NRXN1: variants seen among roughly 807,000 people sequenced by gnomAD.
NRXN1 encodes the protein neurexin-1.
In NRXN1, 39 loss-of-function variants were observed where a neutral mutation model predicts 150.9. The ratio of observed to expected loss-of-function variants is 0.26; its 90% CI spans 0.20 to 0.34. The LOEUF is 0.34. Among genes scored for constraint, NRXN1 ranks in the 10% least tolerant of loss-of-function variants. NRXN1 has a pLI of 1.00. For synonymous variants in NRXN1, 924 were observed against 757.0 expected, an observed-to-expected ratio of 1.22 and a Z score of -3.62; for missense variants, 1,815 against 1,949.9, an observed-to-expected ratio of 0.93 and a Z score of 1.30.
chr2:49,928,891 C>T (rs1669624389), intron 22 of NRXN1, among the ~76,000 whole-genome samples: 1 of 152,184 alleles, frequency 6.6e-6, no homozygotes, highest in African/African-American at 2.4e-5. Flanking sequence ...TTCTGAAGTA[C>T]ACTTACGGAG....
chr2:50,446,739 C>A (rs544169433), intron 17 of NRXN1, among the ~76,000 whole-genome samples: 1 of 151,856 alleles, frequency 6.6e-6, no homozygotes, highest in African/African-American at 2.4e-5. Flanking sequence ...GGGGAGACAC[C>A]TAACTGTGAA....
chr2:50,094,030 G>A (rs1295975295), intron 18 of NRXN1, among the ~76,000 whole-genome samples: 1 of 152,154 alleles, frequency 6.6e-6, no homozygotes, highest in East Asian at 1.9e-4. Context: ...TCACTAAGGG[G>A]CCTTGTATTG....
At chr2:50,253,100 G>A (rs2067319901) in intron 17 of NRXN1, among the ~76,000 whole-genome samples, 1 of 152,066 alleles carries the variant, frequency 6.6e-6, no homozygotes, top group Admixed American at 6.6e-5. Flanking sequence ...GCAATGGTTT[G>A]TAGTTCCCCT....
intron 21 of NRXN1, among the ~76,000 whole-genome samples, chr2:50,040,237 G>A (rs1028045359): frequency 8.6e-5 from 13 of 151,794 alleles, no homozygotes; most frequent in African/African-American, 2.9e-4. Context: ...TTACTAATGT[G>A]GATACTTAAG....
intron 5 of NRXN1, among the ~76,000 whole-genome samples, chr2:50,879,629 G>T (rs910169282): frequency 1.3e-5 from 2 of 151,828 alleles, no homozygotes; most frequent in African/African-American, 4.8e-5. Context: ...TGGGGTGGTG[G>T]GGGCAGCAGG....
rs148245049 is a variant in NRXN1, at chr2:50,002,700, C to T, written c.4128+50571G>A. Among the ~76,000 whole-genome samples, 4 of 152,174 alleles carry T rather than the reference C, an allele frequency of 2.6e-5. No homozygotes were observed. In the East Asian group the frequency reaches 7.7e-4, roughly 29 times the overall value. On this transcript the variant is annotated intron_variant, in intron 21 of 22. Coordinates refer to ENST00000401669, the MANE Select transcript of NRXN1 (RefSeq NM_001330078.2). ...ATCCTTCCCTCATTTTTCTGCCCTG[C>T]TCTGTCCGCCATTCCCGAGAAATAG...
In NRXN1 at chr2:50,789,545, T is replaced by G. The variant is rs146350847; in HGVS notation, c.832+132324A>C. ...GAAATAAAACTGAAAATAACAGCAGTGTCTTTCTGAGACAGTGGGGCAGCA... is the reference window on the plus strand; with the variant it reads ...GAAATAAAACTGAAAATAACAGCAGGGTCTTTCTGAGACAGTGGGGCAGCA... On this transcript the variant is annotated intron_variant, in intron 5 of 22. Coordinates refer to ENST00000401669, the MANE Select transcript of NRXN1 (RefSeq NM_001330078.2). Among the ~76,000 whole-genome samples, 26 of 152,344 alleles carry G rather than the reference T, an allele frequency of 1.7e-4. No homozygotes were observed. In the East Asian group the frequency reaches 4.8e-3, roughly 28 times the overall value.
At chr2:50,069,847 G>GTTTTTT (rs1244777512) in intron 19 of NRXN1, among the ~76,000 whole-genome samples, 14 of 63,842 alleles carry the variant, frequency 2.2e-4, no homozygotes, top group Admixed American at 9.7e-4. Flanking sequence ...GATTTTGGGG[G>GTTTTTT]TTTTTTTTTT....
intron 17 of NRXN1, among the ~76,000 whole-genome samples, chr2:50,374,487 T>C (rs1184801754): frequency 6.6e-6 from 1 of 151,962 alleles, no homozygotes; most frequent in African/African-American, 2.4e-5. Context: ...CTCATAGACA[T>C]AAGTGGAAGA....
chr2:50,699,558 T>C (rs1011374975), intron 5 of NRXN1, among the ~76,000 whole-genome samples: 2 of 151,900 alleles, frequency 1.3e-5, no homozygotes, highest in Admixed American at 6.6e-5. Flanking sequence ...CTGGAAAGCA[T>C]GAAATGGAAT....
chr2:50,468,000 T>A (rs1013668673), intron 16 of NRXN1, among the ~76,000 whole-genome samples: 5 of 151,718 alleles, frequency 3.3e-5, no homozygotes, highest in South Asian at 2.1e-4. Context: ...AGCATATTTT[T>A]AAAAATAAAA....
At chr2:50,130,979 T>C (rs1705388642) in intron 18 of NRXN1, among the ~76,000 whole-genome samples, 2 of 152,220 alleles carry the variant, frequency 1.3e-5, no homozygotes, top group Admixed American at 1.3e-4. Context: ...TGGCCTAATG[T>C]ATTTTACTTA....
intron 2 of NRXN1, among the ~76,000 whole-genome samples, chr2:50,927,692 A>C (rs1343155169): frequency 6.6e-6 from 1 of 152,048 alleles, no homozygotes; most frequent in African/African-American, 2.4e-5. Context: ...TAAGATGCTT[A>C]CTTAACAAGA....
At chr2:50,850,621 G>T (rs1173533128) in intron 5 of NRXN1, among the ~76,000 whole-genome samples, 1 of 152,018 alleles carries the variant, frequency 6.6e-6, no homozygotes, top group Non-Finnish European at 1.5e-5. Context: ...AAGAATATTT[G>T]ATTTTAAACT....
chr2:50,623,274 G>C (rs746440631), intron 6 of NRXN1, 40 bp downstream of exon 6: 14 of 1,554,094 alleles, frequency 9.0e-6, no homozygotes, highest in African/African-American at 1.4e-5. Context: ...GCTATAGCGA[G>C]AAACAAAGCC....
At chr2:50,512,596 G>A (rs1338657885) in intron 12 of NRXN1, among the ~76,000 whole-genome samples, 1 of 152,164 alleles carries the variant, frequency 6.6e-6, no homozygotes, top group Non-Finnish European at 1.5e-5. Flanking sequence ...TCCATGGGAG[G>A]TTAGTTGCCT....
intron 10 of NRXN1, among the ~76,000 whole-genome samples, chr2:50,537,672 T>G (rs1364436026): frequency 1.3e-5 from 2 of 152,126 alleles, no homozygotes; most frequent in East Asian, 3.9e-4. Context: ...TAGCCAAAGG[T>G]AAGTACTTTT....
intron 17 of NRXN1, among the ~76,000 whole-genome samples, chr2:50,449,027 G>T (rs1164185983): frequency 6.6e-6 from 1 of 152,142 alleles, no homozygotes; most frequent in Non-Finnish European, 1.5e-5. Flanking sequence ...AGTTTGCCAA[G>T]ATCTTCCTGG....
chr2:50,502,498 G>A (rs1320151066), intron 13 of NRXN1, among the ~76,000 whole-genome samples: 2 of 151,668 alleles, frequency 1.3e-5, no homozygotes, highest in Admixed American at 6.6e-5. Context: ...ACACACACAC[G>A]AGTCATGGTT....
Sources: allele counts gnomAD v4.1 joint callset (sites outside exome capture counted in the v4.1 genomes callset), GRCh38; gene constraint gnomAD v4.1.1; transcripts MANE v1.5; gene names NCBI Gene and HGNC (gene_info 2026-07-23, HGNC 2026-07-21).